Variants in IL1RN observed in about 807,000 individuals in gnomAD.
The protein encoded by IL1RN is interleukin-1 receptor antagonist protein.
A neutral mutation model predicts 13.7 loss-of-function variants in IL1RN; 10 were observed. The observed-to-expected ratio is 0.73, with a 90% CI of 0.45 to 1.24. IL1RN has a LOEUF of 1.24. IL1RN is among the 50% of genes most tolerant of loss of function. The pLI, the probability that IL1RN is intolerant of heterozygous loss-of-function variation, is 0.00. For missense variants in IL1RN, 213 were observed against 222.1 expected (o/e 0.96, Z 0.26); for synonymous variants, 102 against 82.7 (o/e 1.23, Z -1.27).
At chr2:113,130,352 C>G (rs550307968) in intron 2 of IL1RN, among the ~76,000 whole-genome samples, 1 of 152,216 alleles carries the variant, frequency 6.6e-6, no homozygotes, top group Non-Finnish European at 1.5e-5. Flanking sequence ...TGGTAGTTCT[C>G]CTAATGAACA....
upstream of IL1RN, among the ~76,000 whole-genome samples, chr2:113,110,858 T>C (rs1012800826): frequency 2.6e-5 from 4 of 152,208 alleles, no homozygotes; most frequent in Admixed American, 2.0e-4. Flanking sequence ...CTGGTTTCCA[T>C]TGTGTCATCA....
chr2:113,119,682 A>T (rs556601754), intron 1 of IL1RN, among the ~76,000 whole-genome samples: 1 of 152,360 alleles, frequency 6.6e-6, no homozygotes, highest in East Asian at 1.9e-4. Context: ...TCTGTGCTTA[A>T]AACTGGTTCA....
rs766697596 is a variant in IL1RN at position 113,131,168 on chromosome 2, G to A, written c.318+11G>A. On this transcript the variant is annotated intron_variant, in intron 3 of 3. Transcript: ENST00000409930. Reference sequence around the variant, plus strand: ...AGACTCCAGCTGGAGGTAAAAACATGCTTTGGATCTCAAATCACCCCAAAA... The same window carrying A: ...AGACTCCAGCTGGAGGTAAAAACATACTTTGGATCTCAAATCACCCCAAAA... The A allele has an allele frequency of 6.5e-7, 1 of 1,544,518 alleles. No individual in the cohort carries two copies. Among genetic ancestry groups the A allele is most frequent in the East Asian group, 2.2e-5 (1 of 44,562 alleles).
At chr2:113,113,022 C>T (rs993186380), upstream of IL1RN, 2 of 152,172 alleles carry the variant, frequency 1.3e-5, no homozygotes, top group African/African-American at 4.8e-5. Flanking sequence ...AGGAACTGCA[C>T]CTCTTCCTTC....
chr2:113,112,215 A>G lies in IL1RN; in HGVS notation c.-387-785A>G, dbSNP rs141414817. Among the ~76,000 whole-genome samples the G allele has an allele frequency of 2.3e-3, 347 of 152,324 alleles. 2 individuals are homozygous for G. Among genetic ancestry groups the G allele is most frequent in the African/African-American group, 7.6e-3 (314 of 41,572 alleles). On this transcript the variant is annotated intron_variant, in intron 1 of 8. Transcript: ENST00000409052. Reference sequence around the variant, plus strand: ...GAAAAGGAAGCTGGTTTAAGTGACCAACATTTGGGGCGGAGCTTCCGAGGG... The same window carrying G: ...GAAAAGGAAGCTGGTTTAAGTGACCGACATTTGGGGCGGAGCTTCCGAGGG...
upstream of IL1RN, among the ~76,000 whole-genome samples, chr2:113,126,145 G>A (rs959439863): frequency 6.6e-6 from 1 of 152,148 alleles, no homozygotes; most frequent in Non-Finnish European, 1.5e-5. Flanking sequence ...CTTCCTTTGA[G>A]GGCCAAGGAG....
At chr2:113,108,487 C>A (rs1686421866), upstream of IL1RN, among the ~76,000 whole-genome samples, 1 of 151,650 alleles carries the variant, frequency 6.6e-6, no homozygotes, top group South Asian at 2.1e-4. Flanking sequence ...ACCTCTTCTG[C>A]CTCCTTTCTC....
chr2:113,133,184 C>A lies in IL1RN; in HGVS notation c.*313C>A. The A allele has an allele frequency of 2.2e-6, 1 of 445,908 alleles. No individual in the cohort carries two copies. The highest frequency in any genetic ancestry group is 4.2e-6 in the Non-Finnish European group (1 of 238,980). The allele number at this position is 445,908 out of a possible 1,614,324, so 27.6% of individuals were successfully genotyped here. Reference sequence around the variant, plus strand: ...CCTGCCCAACCTGCTCTCCTCTTGCCACTGCCTCTTCCTCCCTCATTCCAC... The same window carrying A: ...CCTGCCCAACCTGCTCTCCTCTTGCAACTGCCTCTTCCTCCCTCATTCCAC... On this transcript the variant is annotated 3_prime_UTR_variant, in exon 4 of 4. Coordinates refer to ENST00000409930, the MANE Select transcript of IL1RN (RefSeq NM_173842.3).
In IL1RN at chr2:113,121,696, C is replaced by T. The variant is rs536091574; in HGVS notation, c.73+1568C>T. 5 of 770,852 alleles carry T rather than the reference C, an allele frequency of 6.5e-6. No individual in the cohort carries two copies. The East Asian group carries it at 6.4e-4, about 99-fold the overall frequency. 47.8% of individuals were successfully genotyped at this position (770,852 alleles called of 1,614,324 possible). A position where few individuals can be genotyped will look rare whatever the true frequency, so the allele number is the denominator to read the frequency against. ...TGGATTATATACCATGTCCTGATCC[C>T]CTTCATCATCCAGGAGAGCAGAGGT... On this transcript the variant is annotated intron_variant, in intron 2 of 5. Transcript: ENST00000259206.
upstream of IL1RN, among the ~76,000 whole-genome samples, chr2:113,123,482 C>T (rs1048745630): frequency 2.8e-4 from 42 of 152,178 alleles, no homozygotes; most frequent in African/African-American, 1.0e-3. Flanking sequence ...GGTCAGCCTT[C>T]ACAGGTACTG....
Position 113,133,657 on chromosome 2 carries a change from C to A in IL1RN, c.*786C>A, listed in dbSNP as rs1687252927. The A allele has an allele frequency of 6.5e-6, 1 of 152,770 alleles. No homozygotes were observed. Among genetic ancestry groups the A allele is most frequent in the Non-Finnish European group, 1.5e-5 (1 of 68,170 alleles). The allele number at this position is 152,770 out of a possible 1,614,324, so 9.5% of individuals were successfully genotyped here. A position where few individuals can be genotyped will look rare whatever the true frequency, so the allele number is the denominator to read the frequency against. ...TCCACTCCAGATTTTTTACAGCTGC[C>A]TGCAGTACTTTACCTCCTATCAGAA... On this transcript the variant is annotated 3_prime_UTR_variant, in exon 4 of 4. Coordinates refer to ENST00000409930, the MANE Select transcript of IL1RN (RefSeq NM_173842.3).
At chr2:113,115,818 A>C (rs1686581511), upstream of IL1RN, 1 of 152,212 alleles carries the variant, frequency 6.6e-6, no homozygotes, top group Non-Finnish European at 1.5e-5. Context: ...GATGCCCGTA[A>C]GTTGTCCCTT....
chr2:113,107,403 T>C (rs1686403195), upstream of IL1RN: 1 of 152,176 alleles, frequency 6.6e-6, no homozygotes, highest in Admixed American at 6.5e-5. Flanking sequence ...AAAAACTAAC[T>C]GTTAATATAA....
At chr2:113,101,569 C>A in the IL1RN span, among the ~76,000 whole-genome samples, 1 of 152,142 alleles carries the variant, frequency 6.6e-6, no homozygotes, top group Non-Finnish European at 1.5e-5. Flanking sequence ...CTGCCTTTCT[C>A]AAGAATGAAG....
intron 2 of IL1RN, chr2:113,121,406 T>G: frequency 1.0e-6 from 1 of 963,558 alleles, no homozygotes; most frequent in Non-Finnish European, 1.2e-6. Flanking sequence ...GTTGTCCCCT[T>G]CCCCATGGTG....
At position 113,132,930 on chromosome 2, in the gene IL1RN, T is replaced by C; in HGVS notation, c.*59T>C. 6.5e-7 allele frequency: 1 copy of C among 1,537,188 alleles called. No individual in the cohort carries two copies. The highest frequency in any genetic ancestry group is 9.0e-7 in the Non-Finnish European group (1 of 1,110,584). On this transcript the variant is annotated 3_prime_UTR_variant, in exon 4 of 4. Coordinates refer to ENST00000409930, the MANE Select transcript of IL1RN (RefSeq NM_173842.3). ...TGGCAAGGACTGCAGGGACTGCCAG[T>C]CCCCCTGCCCCAGGGCTCCCGGCTA...
upstream of IL1RN, among the ~76,000 whole-genome samples, chr2:113,125,070 C>A (rs1315281891): frequency 1.3e-5 from 2 of 152,216 alleles, no homozygotes; most frequent in Non-Finnish European, 2.9e-5. Flanking sequence ...CCTTGGCAAG[C>A]CACTTCTCTT....
At chr2:113,108,673 G>A (rs1355572356), upstream of IL1RN, among the ~76,000 whole-genome samples, 4 of 152,118 alleles carry the variant, frequency 2.6e-5, no homozygotes, top group African/African-American at 7.2e-5. Flanking sequence ...TGGGAATTGC[G>A]GGTGGTGGAG....
chr2:113,105,974 G>A (rs184092556), upstream of IL1RN, among the ~76,000 whole-genome samples: 3 of 152,268 alleles, frequency 2.0e-5, no homozygotes, highest in Admixed American at 2.0e-4. Context: ...CCTATTGCTG[G>A]CATCCCATTT....
Sources: allele counts gnomAD v4.1 joint callset (sites outside exome capture counted in the v4.1 genomes callset), GRCh38; gene constraint gnomAD v4.1.1; transcripts MANE v1.5; gene names NCBI Gene and HGNC (gene_info 2026-07-23, HGNC 2026-07-21).